The following POC1A variants were observed in gnomAD, a reference collection of about 807,000 sequenced individuals.
POC1A encodes the protein POC1 centriolar protein A.
Under a neutral mutation model 47.8 loss-of-function variants are expected in POC1A, and 34 were observed. The observed-to-expected ratio is 0.71, with a 90% CI of 0.54 to 0.95. POC1A has a LOEUF of 0.95. Ranked by LOEUF, POC1A falls within the 40% of genes least tolerant of loss-of-function variation. The pLI is 0.00. For synonymous variants in POC1A, 177 were observed against 207.6 expected, an observed-to-expected ratio of 0.85 and a Z score of 1.27; for missense variants, 466 against 528.3, an observed-to-expected ratio of 0.88 and a Z score of 1.16.
intron 1 of POC1A, among the ~76,000 whole-genome samples, chr3:52,152,848 A>T (rs954385586): frequency 6.6e-6 from 1 of 152,250 alleles, no homozygotes; most frequent in South Asian, 2.1e-4. Context: ...TGAAGTGCTG[A>T]TGCTTGCTGC....
At chr3:52,137,609 C>A (rs1016825979) in intron 7 of POC1A, among the ~76,000 whole-genome samples, 2 of 152,192 alleles carry the variant, frequency 1.3e-5, no homozygotes, top group Admixed American at 6.5e-5. Flanking sequence ...CCACAGCCGG[C>A]CCCCAGGGAC....
At chr3:52,083,739 T>C (rs1005038506) in intron 10 of POC1A, among the ~76,000 whole-genome samples, 3 of 152,208 alleles carry the variant, frequency 2.0e-5, no homozygotes, top group African/African-American at 7.2e-5. Context: ...GTCAGGCCCC[T>C]GCCACGGCTC....
rs547717184 is a variant in POC1A at position 52,151,503 on chromosome 3, CAG to C, written c.19-405_19-404del. Among the ~76,000 whole-genome samples the C allele has an allele frequency of 8.1e-4, 122 of 151,216 alleles. 5 individuals are homozygous for C. In the South Asian group the frequency reaches 0.025, roughly 30 times the overall value. ...GCAGGCGCCTATAATCCCAGTTACT[CAG>C]GAGGCTGACGCAGGAGAATGGTGTG... On this transcript the variant is annotated intron_variant, in intron 1 of 10. Coordinates refer to ENST00000296484, the MANE Select transcript of POC1A (RefSeq NM_015426.5).
chr3:52,122,495 C>A lies in POC1A; in HGVS notation c.883-18G>T, dbSNP rs755003532. 3 of 1,450,526 alleles carry A rather than the reference C, an allele frequency of 2.1e-6. No individual in the cohort carries two copies. The highest frequency in any genetic ancestry group is 2.9e-6 in the Non-Finnish European group (3 of 1,031,044). 89.9% of individuals were successfully genotyped at this position (1,450,526 alleles called of 1,614,324 possible). A position where few individuals can be genotyped will look rare whatever the true frequency, so the allele number is the denominator to read the frequency against. Reference sequence around the variant, plus strand: ...ACCATCACCTGCCAAAACCAACAGGCACACCAAGTCAGGAGAAGAAAATCC... The same window carrying A: ...ACCATCACCTGCCAAAACCAACAGGAACACCAAGTCAGGAGAAGAAAATCC... On this transcript the variant is annotated intron_variant, in intron 8 of 10. Transcript: ENST00000296484.
intron 6 of POC1A, among the ~76,000 whole-genome samples, chr3:52,142,121 T>C (rs1698217837): frequency 6.6e-6 from 1 of 152,246 alleles, no homozygotes. Context: ...GTGGGCTGCA[T>C]GCTCCGCATC....
chr3:52,143,296 C>T (rs746043201), intron 6 of POC1A, among the ~76,000 whole-genome samples: 19 of 152,184 alleles, frequency 1.2e-4, no homozygotes, highest in Non-Finnish European at 2.6e-4. Flanking sequence ...CCACACCTCC[C>T]CAACCCTGCC....
At chr3:52,113,626 CG>C (rs1281608785) in intron 9 of POC1A, among the ~76,000 whole-genome samples, 3 of 152,188 alleles carry the variant, frequency 2.0e-5, no homozygotes, top group Non-Finnish European at 4.4e-5. Context: ...CGCTTGAACT[CG>C]GGAGGCAGAG....
chr3:52,138,085 G>A lies in POC1A; in HGVS notation c.813+84C>T, dbSNP rs878888855. The A allele has an allele frequency of 7.6e-6, 11 of 1,453,190 alleles. No individual in the cohort carries two copies. The South Asian group carries it at 1.3e-4, about 17-fold the overall frequency. The allele number at this position is 1,453,190 out of a possible 1,614,324, so 90.0% of individuals were successfully genotyped here. A position where few individuals can be genotyped will look rare whatever the true frequency, so the allele number is the denominator to read the frequency against. ...TCCCTGCAGGCTGTGTGGGTGACAA[G>A]CCTGTTTCTGCATCTTGCCCACTGC... On this transcript the variant is annotated intron_variant, in intron 7 of 10. Transcript: ENST00000296484.
In POC1A at chr3:52,096,215, A is replaced by T. The variant is rs371233209; in HGVS notation, c.1125+354T>A. Among the ~76,000 whole-genome samples the T allele has an allele frequency of 1.8e-4, 27 of 152,276 alleles. 1 individual carries two copies. In the South Asian group the frequency reaches 5.2e-3, roughly 29 times the overall value. Reference sequence around the variant, plus strand: ...AGGTTCTCAGAAGCCCTGACTCACTACTCAGTTCCCTGGCATGCCCCTGCA... The same window carrying T: ...AGGTTCTCAGAAGCCCTGACTCACTTCTCAGTTCCCTGGCATGCCCCTGCA... On this transcript the variant is annotated intron_variant, in intron 10 of 10. Transcript: ENST00000296484.
rs151074197 is a variant in POC1A at position 52,105,781 on chromosome 3, C to T, written c.982-9069G>A. ...TCCTGCCAGTCCTGCCTCCAGGCAG[C>T]CTGAGCATGAGGGTGGGGTTTGGTC... On this transcript the variant is annotated intron_variant, in intron 9 of 10. Transcript: ENST00000296484. Among the ~76,000 whole-genome samples the T allele has an allele frequency of 3.9e-3, 600 of 152,364 alleles. 3 individuals carry two copies. The highest frequency in any genetic ancestry group is 0.014 in the African/African-American group (565 of 41,586).
rs369978685 is a variant in POC1A at position 52,104,802 on chromosome 3, C to T, written c.982-8090G>A. On this transcript the variant is annotated intron_variant, in intron 9 of 10. Coordinates refer to ENST00000296484, the MANE Select transcript of POC1A (RefSeq NM_015426.5). ...AGCCGCAGAGATTCCCAGGCAGGGC[C>T]TCCCAAGCAGCAGCCATGCAGTCCA... 2.0e-3 allele frequency among the ~76,000 whole-genome samples: 304 copies of T among 152,328 alleles called. 1 individual carries two copies. The highest frequency in any genetic ancestry group is 3.3e-3 in the Non-Finnish European group (225 of 68,028).
intron 7 of POC1A, among the ~76,000 whole-genome samples, chr3:52,133,507 C>A (rs538698862): frequency 5.3e-5 from 8 of 152,276 alleles, no homozygotes; most frequent in Middle Eastern, 3.4e-3. Context: ...CCAAACCACC[C>A]GCACGCTGAC....
intron 7 of POC1A, among the ~76,000 whole-genome samples, chr3:52,126,156 C>A (rs1342848762): frequency 1.3e-5 from 2 of 152,220 alleles, no homozygotes; most frequent in African/African-American, 4.8e-5. Context: ...CTCAGTCCCC[C>A]CAGACCAGTG....
Position 52,075,873 on chromosome 3 carries a change from T to A in POC1A, c.*14A>T. On this transcript the variant is annotated 3_prime_UTR_variant, in exon 11 of 11. Transcript: ENST00000296484. Reference sequence around the variant, plus strand: ...CCTGCAAATCCACCGAGCTCCTGATTCCTGCTCCCCTGATCATGGTGTTGC... The same window carrying A: ...CCTGCAAATCCACCGAGCTCCTGATACCTGCTCCCCTGATCATGGTGTTGC... 6.2e-7 allele frequency: 1 copy of A among 1,600,130 alleles called. No homozygotes were observed. The highest frequency in any genetic ancestry group is 8.6e-7 in the Non-Finnish European group (1 of 1,167,482).
At chr3:52,143,202 A>T (rs1239429625) in intron 6 of POC1A, among the ~76,000 whole-genome samples, 2 of 152,026 alleles carry the variant, frequency 1.3e-5, no homozygotes, top group Non-Finnish European at 2.9e-5. Context: ...AAGCACAAGC[A>T]GACTGCAATC....
chr3:52,129,972 TCA>T (rs1360475571), intron 7 of POC1A, among the ~76,000 whole-genome samples: 1 of 152,160 alleles, frequency 6.6e-6, no homozygotes, highest in Non-Finnish European at 1.5e-5. Context: ...TGATTAGATT[TCA>T]CAGTCGTGCT....
intron 7 of POC1A, among the ~76,000 whole-genome samples, chr3:52,137,137 T>C (rs910274590): frequency 5.3e-5 from 8 of 152,274 alleles, no homozygotes; most frequent in African/African-American, 1.9e-4. Flanking sequence ...CCACTAGTCC[T>C]GCACACTGGA....
chr3:52,110,591 A>G (rs576126968), intron 9 of POC1A, among the ~76,000 whole-genome samples: 1 of 152,348 alleles, frequency 6.6e-6, no homozygotes, highest in African/African-American at 2.4e-5. Context: ...TGCAGCAAAC[A>G]ATTGTTACAA....
chr3:52,080,757 C>T lies in POC1A; in HGVS notation c.1126-4772G>A, dbSNP rs374128194. 5.3e-5 allele frequency among the ~76,000 whole-genome samples: 8 copies of T among 152,362 alleles called. No individual in the cohort carries two copies. The East Asian group carries it at 1.5e-3, about 29-fold the overall frequency. On this transcript the variant is annotated intron_variant, in intron 10 of 10. Coordinates refer to ENST00000296484, the MANE Select transcript of POC1A (RefSeq NM_015426.5). The stretch of plus-strand genomic sequence containing the variant: ...TGCCACTGCAGCATTAAGTGATCAG[C>T]CCCAAAACATGCTGTGGAACTCGCC...
Sources: allele counts gnomAD v4.1 joint callset (sites outside exome capture counted in the v4.1 genomes callset), GRCh38; gene constraint gnomAD v4.1.1; transcripts MANE v1.5; gene names NCBI Gene and HGNC (gene_info 2026-07-23, HGNC 2026-07-21).